The following HSD17B12 variants were observed in gnomAD, a reference collection of about 807,000 sequenced individuals.
HSD17B12 encodes the protein very-long-chain 3-oxoacyl-CoA reductase.
In HSD17B12, 32 loss-of-function variants were observed where a neutral mutation model predicts 39.3. That is an observed-to-expected ratio of 0.81 (90% CI 0.61 to 1.09). The LOEUF (loss-of-function observed/expected upper bound fraction) is 1.09, where lower values mean the gene tolerates loss of function less well. Among genes scored for constraint, HSD17B12 ranks in the 50% least tolerant of loss-of-function variants. HSD17B12 has a pLI of 0.00. For synonymous variants in HSD17B12, 150 were observed against 146.7 expected (o/e 1.02, Z -0.16); for missense variants, 342 against 382.9 (o/e 0.89, Z 0.89).
chr11:43,738,623 A>C (rs1330326237), intron 1 of HSD17B12, among the ~76,000 whole-genome samples: 1 of 152,182 alleles, frequency 6.6e-6, no homozygotes, highest in Non-Finnish European at 1.5e-5. Flanking sequence ...AGGGTCATAA[A>C]AGGTTAGTTT....
the HSD17B12 span, among the ~76,000 whole-genome samples, chr11:43,605,177 C>T: frequency 3.7e-3 from 569 of 152,248 alleles, 5 homozygotes; most frequent in African/African-American, 0.013. Flanking sequence ...CATGTGGGCA[C>T]TGGACTGGAA....
At chr11:43,684,922 G>A (rs1001861196) in intron 1 of HSD17B12, among the ~76,000 whole-genome samples, 4 of 152,146 alleles carry the variant, frequency 2.6e-5, no homozygotes, top group African/African-American at 9.7e-5. Context: ...AGGTTTGCCT[G>A]TTCTGGATAT....
At chr11:43,690,015 C>T (rs941873858) in intron 1 of HSD17B12, among the ~76,000 whole-genome samples, 2 of 152,084 alleles carry the variant, frequency 1.3e-5, no homozygotes, top group African/African-American at 4.8e-5. Context: ...TGCTCTTCCC[C>T]CAGATATCCA....
chr11:43,617,909 G>A, the HSD17B12 span, among the ~76,000 whole-genome samples: 1 of 152,302 alleles, frequency 6.6e-6, no homozygotes, highest in Non-Finnish European at 1.5e-5. Flanking sequence ...TACGTGGACT[G>A]AGCCATGTAT....
At chr11:43,806,131 G>T (rs1433131937) in intron 4 of HSD17B12, 3 of 152,082 alleles carry the variant, frequency 2.0e-5, no homozygotes, top group Non-Finnish European at 4.4e-5. Context: ...AGCTCTACCG[G>T]GCTTCAGTTT....
At chr11:43,664,167 G>T in the HSD17B12 span, among the ~76,000 whole-genome samples, 1 of 152,144 alleles carries the variant, frequency 6.6e-6, no homozygotes, top group African/African-American at 2.4e-5. Context: ...GGTTTCTAAG[G>T]CAGGGAGGCA....
At chr11:43,817,562 T>C (rs887960268) in intron 6 of HSD17B12, among the ~76,000 whole-genome samples, 1 of 152,224 alleles carries the variant, frequency 6.6e-6, no homozygotes, top group Non-Finnish European at 1.5e-5. Flanking sequence ...TTCTGCTACA[T>C]GTGGCTTGCC....
chr11:43,589,016 G>C, the HSD17B12 span, among the ~76,000 whole-genome samples: 1 of 151,084 alleles, frequency 6.6e-6, no homozygotes, highest in African/African-American at 2.4e-5. Context: ...TTTTGATGGG[G>C]AGAAAAAGCA....
At chr11:43,827,824 A>G (rs1164297094) in intron 6 of HSD17B12, among the ~76,000 whole-genome samples, 1 of 152,230 alleles carries the variant, frequency 6.6e-6, no homozygotes, top group African/African-American at 2.4e-5. Flanking sequence ...AGTAAATACT[A>G]GTAAATATTT....
chr11:43,561,257 G>T, the HSD17B12 span, among the ~76,000 whole-genome samples: 2 of 152,208 alleles, frequency 1.3e-5, no homozygotes, highest in East Asian at 1.9e-4. Context: ...GCTGCTTCTT[G>T]TTTGTCTCAC....
intron 1 of HSD17B12, among the ~76,000 whole-genome samples, chr11:43,682,404 A>G (rs532189745): frequency 6.6e-6 from 1 of 152,296 alleles, no homozygotes; most frequent in South Asian, 2.1e-4. Flanking sequence ...TACAAAAATT[A>G]GCTGGGCGTG....
the HSD17B12 span, among the ~76,000 whole-genome samples, chr11:43,627,830 C>T: frequency 6.6e-6 from 1 of 151,752 alleles, no homozygotes; most frequent in Non-Finnish European, 1.5e-5. Flanking sequence ...CAATATTGGT[C>T]CGGAAGTTTC....
chr11:43,766,004 T>G (rs2134975018), intron 3 of HSD17B12, among the ~76,000 whole-genome samples: 1 of 152,276 alleles, frequency 6.6e-6, no homozygotes. Context: ...TTTTTGTATT[T>G]TTAGTAGAGA....
the HSD17B12 span, among the ~76,000 whole-genome samples, chr11:43,666,144 G>A: frequency 3.3e-5 from 5 of 152,102 alleles, no homozygotes; most frequent in African/African-American, 9.6e-5. Flanking sequence ...CCACTTTAGA[G>A]CCCTTAGGCA....
At chr11:43,580,826 G>T in the HSD17B12 span, among the ~76,000 whole-genome samples, 1 of 152,056 alleles carries the variant, frequency 6.6e-6, no homozygotes, top group Non-Finnish European at 1.5e-5. Flanking sequence ...AAAAAAAGGG[G>T]GAAATGTGAG....
intron 1 of HSD17B12, among the ~76,000 whole-genome samples, chr11:43,712,253 C>A (rs1022854049): frequency 1.3e-5 from 2 of 151,998 alleles, no homozygotes; most frequent in African/African-American, 4.8e-5. Flanking sequence ...ATGGTGAAAC[C>A]CCGTCTCTAC....
chr11:43,813,202 G>A (rs935164856), intron 4 of HSD17B12, among the ~76,000 whole-genome samples: 5 of 152,032 alleles, frequency 3.3e-5, no homozygotes, highest in African/African-American at 1.2e-4. Context: ...TAGTTATTCA[G>A]GGACTTCCTT....
chr11:43,742,925 G>A (rs940447744), intron 1 of HSD17B12, among the ~76,000 whole-genome samples: 3 of 152,172 alleles, frequency 2.0e-5, no homozygotes, highest in Non-Finnish European at 4.4e-5. Context: ...AAATATCAGA[G>A]GTTAAATTTT....
chr11:43,778,785 AC>A (rs776066334), intron 3 of HSD17B12, among the ~76,000 whole-genome samples: 41 of 151,938 alleles, frequency 2.7e-4, no homozygotes, highest in African/African-American at 9.4e-4. Flanking sequence ...AAATTCAACA[AC>A]CCTTCATGCT....
Sources: allele counts gnomAD v4.1 joint callset (sites outside exome capture counted in the v4.1 genomes callset), GRCh38; gene constraint gnomAD v4.1.1; transcripts MANE v1.5; gene names NCBI Gene and HGNC (gene_info 2026-07-23, HGNC 2026-07-21).